Variants in EXD1 observed in about 807,000 individuals in gnomAD.
EXD1 encodes piRNA biogenesis protein EXD1.
A neutral mutation model predicts 49.1 loss-of-function variants in EXD1; 63 were observed. The ratio of observed to expected loss-of-function variants is 1.28; its 90% confidence interval spans 1.05 to 1.58. The LOEUF (loss-of-function observed/expected upper bound fraction) is 1.58, where lower values mean the gene tolerates loss of function less well. Among genes scored for constraint, EXD1 ranks in the 40% most tolerant of loss-of-function variants. The pLI, the probability that EXD1 is intolerant of heterozygous loss-of-function variation, is 0.00. For synonymous variants in EXD1, 234 were observed against 239.2 expected (o/e 0.98, Z 0.20); for missense variants, 748 against 666.0 (o/e 1.12, Z -1.36).
At position 41,184,013 on chromosome 15, in the gene EXD1, T is replaced by C; in HGVS notation, c.1637A>G (p.Lys546Arg). The change falls in exon 12 of 12, where the codon AAG (lysine) becomes AGG (arginine). Residue 546 changes from lysine to arginine, a missense_variant. Physicochemically the swap from Lys to Arg is conservative, Grantham distance 26. Transcript: ENST00000458580. ...SPSDTFYPIR[K>R]TVVSTLPPCP... is the part of the protein sequence containing the mutation. Reference sequence around the variant, plus strand: ...GGGAGGGAGTGTGGAAACCACAGTCTTTCTGATAGGATAAAAAGTGTCACT... The same window carrying C: ...GGGAGGGAGTGTGGAAACCACAGTCCTTCTGATAGGATAAAAAGTGTCACT... 1 of 1,614,176 alleles carries C rather than the reference T, an allele frequency of 6.2e-7. No homozygotes were observed. Among genetic ancestry groups the C allele is most frequent in the South Asian group, 1.1e-5 (1 of 91,074 alleles).
Position 41,190,121 on chromosome 15 carries a change from G to A in EXD1, c.872C>T (p.Pro291Leu), listed in dbSNP as rs2046485075. ...AACAGGTCGGATGAACCATACTTCT[G>A]GATTTTCCTGGAGACAATAAAACAA... Reference protein sequence around the residue: ...EKRQKLIQENPEVWFIRPVSP... With the variant: ...EKRQKLIQENLEVWFIRPVSP... Residue 291 changes from proline to leucine, a missense_variant, in exon 11 of 12, where the codon CCA (proline) becomes CTA (leucine). By Grantham distance (98) the Pro-to-Leu change is moderately conservative. Coordinates refer to ENST00000458580, the MANE Select transcript of EXD1 (RefSeq NM_001286441.2). The A allele has an allele frequency of 6.2e-7, 1 of 1,614,088 alleles. No individual in the cohort carries two copies. Among genetic ancestry groups the A allele is most frequent in the Non-Finnish European group, 8.5e-7 (1 of 1,179,984 alleles).
Position 41,195,827 on chromosome 15 carries a change from T to C in EXD1, c.668A>G (p.Asp223Gly). ...KVIHDCRWLSDCLSHQYGILL... is the reference protein window; with the variant it reads ...KVIHDCRWLSGCLSHQYGILL... ...AATTCCATACTGATGAGAGAGGCAATCAGAAAGCCAACGACAATCATGGAT... is the reference window on the plus strand; with the variant it reads ...AATTCCATACTGATGAGAGAGGCAACCAGAAAGCCAACGACAATCATGGAT... The change falls in exon 9 of 12, where the codon GAT becomes GGT. Residue 223 changes from aspartate to glycine, a missense_variant. Physicochemically the swap from Asp to Gly is moderately conservative, Grantham distance 94. Transcript: ENST00000458580. The C allele has an allele frequency of 6.2e-7, 1 of 1,613,556 alleles. No homozygotes were observed. Among genetic ancestry groups the C allele is most frequent in the Non-Finnish European group, 8.5e-7 (1 of 1,179,908 alleles).
intron 11 of EXD1, 81 bp downstream of exon 11, chr15:41,189,856 G>T: frequency 7.2e-7 from 1 of 1,391,332 alleles, no homozygotes; most frequent in Non-Finnish European, 1.0e-6. Context: ...AACTATCGCA[G>T]CTATGAAGAA....
chr15:41,196,299 C>G (rs1176369782), intron 7 of EXD1, among the ~76,000 whole-genome samples: 1 of 148,788 alleles, frequency 6.7e-6, no homozygotes, highest in Non-Finnish European at 1.5e-5. Context: ...GCATGCGGCA[C>G]CACGCCCAGC....
rs927784774 is a variant in EXD1 at position 41,183,215 on chromosome 15, G to C, written c.*716C>G. 6.6e-6 allele frequency: 1 copy of C among 152,168 alleles called. No homozygotes were observed. The highest frequency in any genetic ancestry group is 2.1e-4 in the South Asian group (1 of 4,830). The allele number at this position is 152,168 out of a possible 1,614,324, so 9.4% of individuals were successfully genotyped here. The stretch of plus-strand genomic sequence containing the variant: ...TGAGGCAGGAGAATTGCTTGAACCC[G>C]GGAGGCGGAGGTTGCAGTGAGCAGA... On this transcript the variant is annotated 3_prime_UTR_variant, in exon 12 of 12. Transcript: ENST00000458580.
chr15:41,190,141 A>C lies in EXD1; in HGVS notation c.865-13T>G. Reference sequence around the variant, plus strand: ...CTTCTGGATTTTCCTGGAGACAATAAAACAATTTCCTCTGAACAGTAAGCA... The same window carrying C: ...CTTCTGGATTTTCCTGGAGACAATACAACAATTTCCTCTGAACAGTAAGCA... On this transcript the variant is annotated splice_polypyrimidine_tract_variant and intron_variant, in intron 10 of 11. Coordinates refer to ENST00000458580, the MANE Select transcript of EXD1 (RefSeq NM_001286441.2). The C allele has an allele frequency of 6.2e-7, 1 of 1,613,774 alleles. No individual in the cohort carries two copies. The highest frequency in any genetic ancestry group is 1.3e-5 in the African/African-American group (1 of 75,018).
intron 7 of EXD1, among the ~76,000 whole-genome samples, 187 bp downstream of exon 7, chr15:41,209,314 C>G (rs2046884765): frequency 6.6e-6 from 1 of 151,996 alleles, no homozygotes; most frequent in African/African-American, 2.4e-5. Flanking sequence ...ACTCAGGAGG[C>G]TAAAGTGAGG....
rs59054803 is a variant in EXD1 at position 41,192,594 on chromosome 15, A to ATTTTTTTTTTTTTTTTTTTTTTTT, written c.721-1033_721-1010dup. Among the ~76,000 whole-genome samples, 4 of 40,838 alleles carry ATTTTTTTTTTTTTTTTTTTTTTTT rather than the reference A, an allele frequency of 9.8e-5. 2 individuals carry two copies. Among genetic ancestry groups the ATTTTTTTTTTTTTTTTTTTTTTTT allele is most frequent in the Admixed American group, 6.6e-4 (2 of 3,020 alleles). The allele number at this position is 40,838 out of a possible 152,430, so 26.8% of individuals were successfully genotyped here. A position where few individuals can be genotyped will look rare whatever the true frequency, so the allele number is the denominator to read the frequency against. On this transcript the variant is annotated intron_variant, in intron 9 of 11. Transcript: ENST00000458580. ...ACAGGCGTGAACCACTGCGCCAGGC[A>ATTTTTTTTTTTTTTTTTTTTTTTT]TTTTTTTTTTTTTTTTTTTTTTTTT...
intron 7 of EXD1, among the ~76,000 whole-genome samples, chr15:41,202,664 A>T (rs1198018862): frequency 6.6e-6 from 1 of 151,972 alleles, no homozygotes; most frequent in African/African-American, 2.4e-5. Flanking sequence ...ACGGGGTTTC[A>T]CTAAGTTGCT....
chr15:41,226,599 T>C lies in EXD1; in HGVS notation c.-24A>G. The C allele has an allele frequency of 6.5e-7, 1 of 1,528,162 alleles. No individual in the cohort carries two copies. Among genetic ancestry groups the C allele is most frequent in the Non-Finnish European group, 8.7e-7 (1 of 1,143,078 alleles). 94.7% of individuals were successfully genotyped at this position (1,528,162 alleles called of 1,614,324 possible). A position where few individuals can be genotyped will look rare whatever the true frequency, so the allele number is the denominator to read the frequency against. On this transcript the variant is annotated 5_prime_UTR_variant, in exon 2 of 12. Transcript: ENST00000458580. Reference sequence around the variant, plus strand: ...ATGCTAATTGATTCCAAAAGCCGTCTTCAAATAATCTTCTTTAAGCATCCA... The same window carrying C: ...ATGCTAATTGATTCCAAAAGCCGTCCTCAAATAATCTTCTTTAAGCATCCA...
intron 7 of EXD1, among the ~76,000 whole-genome samples, chr15:41,199,747 T>TA (rs558589077): frequency 2.0e-5 from 2 of 99,760 alleles, no homozygotes; most frequent in African/African-American, 8.0e-5. Context: ...ATGTCATATA[T>TA]TATATATGAT....
At position 41,184,165 on chromosome 15, in the gene EXD1, A is replaced by G; in HGVS notation, c.1485T>C (p.Phe495=). 1.2e-6 allele frequency: 2 copies of G among 1,614,212 alleles called. No homozygotes were observed. Among genetic ancestry groups the G allele is most frequent in the Non-Finnish European group, 1.7e-6 (2 of 1,180,038 alleles). Residue 495 remains phenylalanine, a synonymous_variant, in exon 12 of 12, where the codon TTT becomes TTC. Transcript: ENST00000458580. Reference sequence around the variant, plus strand: ...CCTCTTTCAAAGATAAACTTGCCTGAAACTCATGTTTGGGTGTCATAAAGT... The same window carrying G: ...CCTCTTTCAAAGATAAACTTGCCTGGAACTCATGTTTGGGTGTCATAAAGT... ...KEHFMTPKHE[F]QASLSLKEET...
At chr15:41,201,739 C>T (rs1241158080) in intron 7 of EXD1, among the ~76,000 whole-genome samples, 2 of 152,182 alleles carry the variant, frequency 1.3e-5, no homozygotes, top group East Asian at 1.9e-4. Context: ...CCGCCTGCCT[C>T]GGCCTTCCAA....
At chr15:41,193,188 G>T (rs1456613640) in intron 9 of EXD1, among the ~76,000 whole-genome samples, 1 of 152,076 alleles carries the variant, frequency 6.6e-6, no homozygotes, top group Non-Finnish European at 1.5e-5. Context: ...AAAGTGTTGG[G>T]ATTACAGGCG....
At chr15:41,213,058 T>C (rs1459183536) in intron 6 of EXD1, among the ~76,000 whole-genome samples, 2 of 151,978 alleles carry the variant, frequency 1.3e-5, no homozygotes, top group Non-Finnish European at 2.9e-5. Context: ...TTTTTTTTAA[T>C]TTATAAGGAA....
intron 7 of EXD1, among the ~76,000 whole-genome samples, chr15:41,197,229 CTT>C (rs976999245): frequency 1.7e-4 from 22 of 133,124 alleles, no homozygotes; most frequent in Non-Finnish European, 1.8e-4. Context: ...TTTCTTTTTT[CTT>C]TTTTTTTTTT....
chr15:41,203,648 G>A (rs575249986), intron 7 of EXD1, among the ~76,000 whole-genome samples: 70 of 152,140 alleles, frequency 4.6e-4, no homozygotes, highest in Admixed American at 1.8e-3. Context: ...CAGGTGTGGT[G>A]GCTCACACCT....
At chr15:41,220,861 T>A (rs17729697) in intron 2 of EXD1, among the ~76,000 whole-genome samples, 1 of 152,148 alleles carries the variant, frequency 6.6e-6, no homozygotes, top group African/African-American at 2.4e-5. Context: ...TCCAAAAAAA[T>A]GTTTTGCAAC....
intron 7 of EXD1, among the ~76,000 whole-genome samples, chr15:41,208,369 G>GA (rs10586810): frequency 0.011 from 674 of 62,042 alleles, 3 homozygotes; most frequent in South Asian, 0.015. Context: ...ACTCATCTCT[G>GA]AAAAAAAAAA....
Sources: gnomAD v4.1 joint callset for allele counts (sites outside exome capture counted in the v4.1 genomes callset) on GRCh38, gnomAD v4.1.1 for gene constraint, MANE v1.5 for transcripts, NCBI Gene and HGNC (gene_info 2026-07-23, HGNC 2026-07-21) for gene names.